The following ZBTB20 variants were observed in gnomAD, a reference collection of about 807,000 sequenced individuals.
ZBTB20 encodes the protein zinc finger and BTB domain-containing protein 20.
A neutral mutation model predicts 56.9 loss-of-function variants in ZBTB20; 9 were observed. The observed-to-expected ratio is 0.16, with a 90% CI of 0.10 to 0.28. The LOEUF is 0.28. ZBTB20 is among the 10% of genes least tolerant of loss of function. The probability of loss-of-function intolerance (pLI) is 1.00; values close to 1 mark genes in which losing one functional copy is unlikely to be tolerated. For synonymous variants in ZBTB20, 417 were observed against 420.7 expected, an observed-to-expected ratio of 0.99 and a Z score of 0.11; for missense variants, 655 against 1,003.0, an observed-to-expected ratio of 0.65 and a Z score of 4.69.
At chr3:114,471,522 C>A (rs146079251) in intron 7 of ZBTB20, among the ~76,000 whole-genome samples, 277 of 152,242 alleles carry the variant, frequency 1.8e-3, no homozygotes, top group African/African-American at 6.3e-3. Flanking sequence ...GTGGGTCCAG[C>A]AGGGTTGCAT....
At chr3:114,939,293 T>C in intron 3 of ZBTB20, among the ~76,000 whole-genome samples, 1 of 146,370 alleles carries the variant, frequency 6.8e-6, no homozygotes, top group Admixed American at 6.6e-5. Flanking sequence ...ATTGAAAGGA[T>C]AGAAACAATT....
chr3:114,894,965 T>C (rs1013667243), intron 4 of ZBTB20, among the ~76,000 whole-genome samples: 2 of 152,202 alleles, frequency 1.3e-5, no homozygotes, highest in African/African-American at 4.8e-5. Context: ...ATTCTATATA[T>C]ATTATCTAGT....
At chr3:114,996,422 T>A (rs891659141) in intron 2 of ZBTB20, among the ~76,000 whole-genome samples, 1 of 151,856 alleles carries the variant, frequency 6.6e-6, no homozygotes, top group African/African-American at 2.4e-5. Flanking sequence ...GTGTTCTCAT[T>A]GTTCAAATCC....
In ZBTB20 at chr3:115,104,417, T is replaced by A. The variant is rs144896908; in HGVS notation, c.-702-33003A>T. On this transcript the variant is annotated intron_variant, in intron 1 of 11. Transcript: ENST00000675478. The stretch of plus-strand genomic sequence containing the variant: ...CAGATGTTTACAGTAATTTTATTCA[T>A]AATTGCCAATATTTGGAAGAAATTA... 7.9e-3 allele frequency among the ~76,000 whole-genome samples: 1,207 copies of A among 152,352 alleles called. 9 individuals carry two copies. Among genetic ancestry groups the A allele is most frequent in the Non-Finnish European group, 0.014 (960 of 68,026 alleles).
At chr3:114,428,211 C>A (rs1199500910) in intron 7 of ZBTB20, among the ~76,000 whole-genome samples, 1 of 152,064 alleles carries the variant, frequency 6.6e-6, no homozygotes, top group African/African-American at 2.4e-5. Flanking sequence ...CTTTTACGAA[C>A]CAAATCAACA....
intron 5 of ZBTB20, among the ~76,000 whole-genome samples, chr3:114,722,543 T>C (rs1244252872): frequency 1.3e-5 from 2 of 152,214 alleles, no homozygotes; most frequent in African/African-American, 4.8e-5. Context: ...GATAGATCAG[T>C]TGAATGGTTT....
intron 6 of ZBTB20, among the ~76,000 whole-genome samples, chr3:114,690,374 T>C (rs1238022329): frequency 1.3e-5 from 2 of 152,188 alleles, no homozygotes; most frequent in Non-Finnish European, 2.9e-5. Context: ...AGTTACATCC[T>C]GAATTTCTGA....
intron 7 of ZBTB20, among the ~76,000 whole-genome samples, chr3:114,419,895 A>G (rs1390476380): frequency 6.6e-6 from 1 of 152,090 alleles, no homozygotes; most frequent in African/African-American, 2.4e-5. Context: ...GAAGCTGGTG[A>G]TATGTGAGTA....
intron 6 of ZBTB20, among the ~76,000 whole-genome samples, chr3:114,684,939 C>T (rs945100877): frequency 6.6e-6 from 1 of 152,050 alleles, no homozygotes; most frequent in Non-Finnish European, 1.5e-5. Flanking sequence ...GAGTTCTATC[C>T]TGAGATATCA....
Position 114,595,244 on chromosome 3 carries a change from A to G in ZBTB20, c.-294-94853T>C, listed in dbSNP as rs201555569. On this transcript the variant is annotated intron_variant, in intron 6 of 11. Coordinates refer to ENST00000675478, the MANE Select transcript of ZBTB20 (RefSeq NM_001348800.3). ...AAAATAACTTCTATAAATATGACAT[A>G]ATATCTGGAGGCCACATTTATAGCT... 5.3e-5 allele frequency among the ~76,000 whole-genome samples: 8 copies of G among 152,356 alleles called. No individual in the cohort carries two copies. In the East Asian group the frequency reaches 5.8e-4, roughly 11 times the overall value.
chr3:115,024,135 G>C (rs1452842347), intron 2 of ZBTB20, among the ~76,000 whole-genome samples: 3 of 150,958 alleles, frequency 2.0e-5, no homozygotes, highest in African/African-American at 7.3e-5. Flanking sequence ...AGTTGGTCAA[G>C]GCCAAAAATA....
At chr3:115,098,252 G>T (rs1163026142) in intron 1 of ZBTB20, among the ~76,000 whole-genome samples, 1 of 152,098 alleles carries the variant, frequency 6.6e-6, no homozygotes, top group South Asian at 2.1e-4. Context: ...TACAGAAAAA[G>T]AGAATGACTA....
chr3:114,656,222 G>A (rs2060399679), intron 6 of ZBTB20, among the ~76,000 whole-genome samples: 1 of 152,030 alleles, frequency 6.6e-6, no homozygotes, highest in Non-Finnish European at 1.5e-5. Context: ...ATTTTTCTTT[G>A]TATCTTTGGT....
chr3:114,967,834 A>G (rs1372002913), intron 3 of ZBTB20, among the ~76,000 whole-genome samples: 11 of 151,920 alleles, frequency 7.2e-5, no homozygotes, highest in Non-Finnish European at 1.5e-5. Context: ...GCGGGCACCT[A>G]TAATCCCAGC....
chr3:114,996,508 T>A (rs1260263277), intron 2 of ZBTB20, among the ~76,000 whole-genome samples: 1 of 151,960 alleles, frequency 6.6e-6, no homozygotes, highest in Non-Finnish European at 1.5e-5. Context: ...GTTTCCAGCT[T>A]CATCCATGTC....
intron 5 of ZBTB20, among the ~76,000 whole-genome samples, chr3:114,738,572 C>T (rs190247003): frequency 2.1e-4 from 32 of 152,296 alleles, no homozygotes; most frequent in Middle Eastern, 3.4e-3. Context: ...TCACACTTCT[C>T]ATATAACAAC....
chr3:114,386,781 G>A (rs1393696384), intron 8 of ZBTB20, among the ~76,000 whole-genome samples: 1 of 151,986 alleles, frequency 6.6e-6, no homozygotes, highest in African/African-American at 2.4e-5. Flanking sequence ...GGTAGAATGG[G>A]GTGGCAAGAC....
At chr3:115,070,332 A>G (rs760829752) in intron 2 of ZBTB20, among the ~76,000 whole-genome samples, 63 of 152,194 alleles carry the variant, frequency 4.1e-4, no homozygotes, top group Non-Finnish European at 7.9e-4. Context: ...ATATTTTTGA[A>G]CTCATATTTT....
rs1378401484 is a variant in ZBTB20, at chr3:114,319,279, AC to A, written c.*19725del. ...CCTTCCTTTCCAAAAAAGATTCTTCACAAAAAAATGTAGAAAAAATTCCAAC... is the reference window on the plus strand; with the variant it reads ...CCTTCCTTTCCAAAAAAGATTCTTCAAAAAAAATGTAGAAAAAATTCCAAC... On this transcript the variant is annotated 3_prime_UTR_variant, in exon 12 of 12. Transcript: ENST00000675478. The A allele has an allele frequency of 6.6e-6, 1 of 152,122 alleles. No homozygotes were observed. Among genetic ancestry groups the A allele is most frequent in the Non-Finnish European group, 1.5e-5 (1 of 68,028 alleles). 9.4% of individuals were successfully genotyped at this position (152,122 alleles called of 1,614,324 possible).
Sources: allele counts gnomAD v4.1 joint callset (sites outside exome capture counted in the v4.1 genomes callset), GRCh38; gene constraint gnomAD v4.1.1; transcripts MANE v1.5; gene names NCBI Gene and HGNC (gene_info 2026-07-23, HGNC 2026-07-21).